The following PLPP1 variants were observed in gnomAD, a reference collection of about 807,000 sequenced individuals.
The protein encoded by PLPP1 is phospholipid phosphatase 1.
Under a neutral mutation model 31.2 loss-of-function variants are expected in PLPP1, and 24 were observed. The observed-to-expected ratio is 0.77, with a 90% CI of 0.56 to 1.08. PLPP1 has a LOEUF of 1.08. PLPP1 is among the 50% of genes least tolerant of loss of function. The pLI, the probability that PLPP1 is intolerant of heterozygous loss-of-function variation, is 0.00. For synonymous variants in PLPP1, 146 were observed against 126.3 expected (o/e 1.16, Z -1.05); for missense variants, 319 against 342.7 (o/e 0.93, Z 0.55).
At chr5:55,510,219 T>C (rs1432581188) in intron 1 of PLPP1, among the ~76,000 whole-genome samples, 15 of 152,246 alleles carry the variant, frequency 9.9e-5, no homozygotes, top group African/African-American at 3.6e-4. Flanking sequence ...TACATCACAG[T>C]ACTTGGCATA....
rs1020640401 is a variant in PLPP1, at chr5:55,499,363, A to G, written c.59-23913T>C. On this transcript the variant is annotated intron_variant, in intron 1 of 5. Coordinates refer to ENST00000307259, the MANE Select transcript of PLPP1 (RefSeq NM_003711.4). ...AGATTCCCATGTAAAAAGTTTTCAC[A>G]TACTATACAAGTTTACAGTATACAA... 3.9e-5 allele frequency among the ~76,000 whole-genome samples: 6 copies of G among 152,250 alleles called. 1 individual carries two copies. In the South Asian group the frequency reaches 1.2e-3, roughly 32 times the overall value.
chr5:55,477,175 A>AATACATAT, intron 1 of PLPP1, among the ~76,000 whole-genome samples: 1 of 152,186 alleles, frequency 6.6e-6, no homozygotes, highest in Non-Finnish European at 1.5e-5. Context: ...CCAAGTTTTC[A>AATACATAT]ATACATATAC....
intron 3 of PLPP1, among the ~76,000 whole-genome samples, chr5:55,443,212 T>TATATATATAC (rs1169152710): frequency 6.4e-4 from 67 of 104,976 alleles, no homozygotes; most frequent in East Asian, 4.0e-3. Context: ...TATATATATA[T>TATATATATAC]ACACACACAC....
intron 1 of PLPP1, among the ~76,000 whole-genome samples, chr5:55,516,779 A>G (rs1393992760): frequency 6.6e-6 from 1 of 152,220 alleles, no homozygotes; most frequent in South Asian, 2.1e-4. Flanking sequence ...AATGAATGGA[A>G]ATTTGTTTCG....
intron 3 of PLPP1, among the ~76,000 whole-genome samples, chr5:55,463,993 A>G (rs1752228352): frequency 6.6e-6 from 1 of 151,968 alleles, no homozygotes; most frequent in Non-Finnish European, 1.5e-5. Flanking sequence ...AAAAATGACA[A>G]TAGCTGAATG....
intron 1 of PLPP1, among the ~76,000 whole-genome samples, chr5:55,501,515 A>T (rs909843990): frequency 2.0e-5 from 3 of 151,910 alleles, no homozygotes; most frequent in African/African-American, 7.3e-5. Context: ...TTATTTATTT[A>T]TTTTTTGAGA....
intron 1 of PLPP1, among the ~76,000 whole-genome samples, chr5:55,525,294 T>G (rs1294922127): frequency 6.6e-6 from 1 of 152,202 alleles, no homozygotes; most frequent in Non-Finnish European, 1.5e-5. Flanking sequence ...TAAGTCTCAT[T>G]TAAGATAACC....
chr5:55,425,613 T>A, intron 5 of PLPP1: 3 of 448,232 alleles, frequency 6.7e-6, no homozygotes, highest in South Asian at 6.1e-5. Context: ...CATAATCCCC[T>A]AAAAAAACTA....
At chr5:55,495,234 C>CAACTTA (rs1230822535) in intron 1 of PLPP1, among the ~76,000 whole-genome samples, 1 of 151,436 alleles carries the variant, frequency 6.6e-6, no homozygotes, top group Non-Finnish European at 1.5e-5. Flanking sequence ...TTAGAATTTG[C>CAACTTA]AACTTAAGCT....
intron 1 of PLPP1, among the ~76,000 whole-genome samples, chr5:55,518,454 C>T (rs957111684): frequency 2.8e-4 from 42 of 152,042 alleles, no homozygotes; most frequent in East Asian, 1.3e-3. Flanking sequence ...AGACCGCGCC[C>T]GGCCTTTTTT....
At chr5:55,490,573 C>T (rs1752868346) in intron 1 of PLPP1, among the ~76,000 whole-genome samples, 1 of 152,156 alleles carries the variant, frequency 6.6e-6, no homozygotes, top group South Asian at 2.1e-4. Context: ...GCCTCAATTT[C>T]CACTTAACAG....
At chr5:55,490,147 T>A (rs1752857238) in intron 1 of PLPP1, among the ~76,000 whole-genome samples, 1 of 141,478 alleles carries the variant, frequency 7.1e-6, no homozygotes, top group African/African-American at 2.6e-5. Context: ...TTCTTTTCTT[T>A]TTTTTTTTTT....
intron 3 of PLPP1, among the ~76,000 whole-genome samples, chr5:55,459,582 T>G (rs1457595750): frequency 6.6e-6 from 1 of 152,154 alleles, no homozygotes; most frequent in African/African-American, 2.4e-5. Context: ...GAAAGAATTC[T>G]AATCATATAA....
Position 55,425,086 on chromosome 5 carries a change from TAGC to T in PLPP1, c.*117_*119del. The T allele has an allele frequency of 3.1e-6, 4 of 1,306,370 alleles. No homozygotes were observed. Among genetic ancestry groups the T allele is most frequent in the South Asian group, 1.5e-5 (1 of 67,902 alleles). 80.9% of individuals were successfully genotyped at this position (1,306,370 alleles called of 1,614,324 possible). ...ACACAAAGTGTGCATCCAAGAGGCA[TAGC>T]AGCAGCAGAAGTCTTTAAAGGCTTG... On this transcript the variant is annotated 3_prime_UTR_variant, in exon 6 of 6. Transcript: ENST00000307259.
intron 1 of PLPP1, among the ~76,000 whole-genome samples, chr5:55,533,437 C>T (rs989578450): frequency 6.0e-5 from 9 of 150,660 alleles, no homozygotes; most frequent in African/African-American, 2.2e-4. Context: ...AACAACAAAA[C>T]CTGGTAACAG....
At chr5:55,448,919 A>G (rs1270065846) in intron 3 of PLPP1, among the ~76,000 whole-genome samples, 3 of 152,224 alleles carry the variant, frequency 2.0e-5, no homozygotes, top group Non-Finnish European at 4.4e-5. Flanking sequence ...AATCATCTCT[A>G]GATTACCTCC....
chr5:55,524,805 C>T (rs926587706), intron 1 of PLPP1, among the ~76,000 whole-genome samples: 145 of 151,980 alleles, frequency 9.5e-4, no homozygotes, highest in African/African-American at 3.4e-3. Flanking sequence ...AGTGAAACTA[C>T]GTCCCCCCCC....
rs143212003 is a variant in PLPP1, at chr5:55,425,035, C to T, written c.*171G>A. On this transcript the variant is annotated 3_prime_UTR_variant, in exon 6 of 6. Coordinates refer to ENST00000307259, the MANE Select transcript of PLPP1 (RefSeq NM_003711.4). ...TAATGAGTTTAGAGCTATTAGATAA[C>T]CACTGAGTTAAAGGTAACTATGTAC... 296 of 904,748 alleles carry T rather than the reference C, an allele frequency of 3.3e-4. 1 individual carries two copies. The East Asian group carries it at 7.3e-3, about 22-fold the overall frequency. 56.0% of individuals were successfully genotyped at this position (904,748 alleles called of 1,614,324 possible).
intron 2 of PLPP1, 155 bp from the exon 3 acceptor site, chr5:55,468,304 C>T (rs77439781): frequency 1.6e-6 from 1 of 636,578 alleles, no homozygotes; most frequent in African/African-American, 1.8e-5. Context: ...GGAGAGTCAA[C>T]TTAGGATATC....
Sources: gnomAD v4.1 joint callset for allele counts (sites outside exome capture counted in the v4.1 genomes callset) on GRCh38, gnomAD v4.1.1 for gene constraint, MANE v1.5 for transcripts, NCBI Gene and HGNC (gene_info 2026-07-23, HGNC 2026-07-21) for gene names.